Variants in SERPINB7 observed in about 807,000 individuals in gnomAD.
SERPINB7 encodes serpin B7.
A neutral mutation model predicts 37.4 loss-of-function variants in SERPINB7; 31 were observed. The observed-to-expected ratio is 0.83, with a 90% confidence interval of 0.62 to 1.12. SERPINB7 has a LOEUF of 1.12. Among genes scored for constraint, SERPINB7 ranks in the 50% most tolerant of loss-of-function variants. The pLI is 0.00. For synonymous variants in SERPINB7, 163 were observed against 166.1 expected (o/e 0.98, Z 0.14); for missense variants, 521 against 455.3 (o/e 1.14, Z -1.31).
At position 63,782,432 on chromosome 18, in the gene SERPINB7, T is replaced by C. The variant is rs141279263; in HGVS notation, c.60T>C (p.Asp20=). The C allele has an allele frequency of 1.1e-5, 18 of 1,614,096 alleles. No individual in the cohort carries two copies. The African/African-American group carries it at 2.3e-4, about 20-fold the overall frequency. ...GCTTCAACCTGTTCAGAGAGATGGA[T>C]GACAATCAAGGAAATGGAAATGTGT... ...EFCFNLFREM[D]DNQGNGNVFF... is the part of the protein sequence containing the mutation. Residue 20 remains aspartate, a synonymous_variant, in exon 2 of 8, where the codon GAT becomes GAC. Coordinates refer to ENST00000398019, the MANE Select transcript of SERPINB7 (RefSeq NM_003784.4).
At chr18:63,782,888 C>G (rs1418452325) in intron 2 of SERPINB7, among the ~76,000 whole-genome samples, 1 of 152,002 alleles carries the variant, frequency 6.6e-6, no homozygotes, top group Non-Finnish European at 1.5e-5. Flanking sequence ...CCTGTAATCC[C>G]AGCACTTTGG....
At chr18:63,755,458 T>C (rs1469964283) in intron 1 of SERPINB7, among the ~76,000 whole-genome samples, 1 of 152,208 alleles carries the variant, frequency 6.6e-6, no homozygotes, top group East Asian at 1.9e-4. Context: ...GCCTTCTTTT[T>C]TCATAACTAG....
chr18:63,759,644 T>C (rs142372908), intron 1 of SERPINB7, among the ~76,000 whole-genome samples: 2 of 152,300 alleles, frequency 1.3e-5, no homozygotes, highest in African/African-American at 4.8e-5. Flanking sequence ...TCCACCCAAA[T>C]TCTCATCTTG....
chr18:63,753,965 C>A (rs1022145019), intron 1 of SERPINB7, among the ~76,000 whole-genome samples: 4 of 152,116 alleles, frequency 2.6e-5, no homozygotes, highest in African/African-American at 9.7e-5. Context: ...TCAATATAAA[C>A]AAACTAGAGT....
chr18:63,758,477 G>T (rs2049134137), intron 1 of SERPINB7, among the ~76,000 whole-genome samples: 1 of 152,120 alleles, frequency 6.6e-6, no homozygotes, highest in South Asian at 2.1e-4. Context: ...CTGAAGCACT[G>T]GGAAATCTAC....
At chr18:63,789,331 T>C (rs890872654) in intron 2 of SERPINB7, among the ~76,000 whole-genome samples, 2 of 152,194 alleles carry the variant, frequency 1.3e-5, no homozygotes, top group African/African-American at 4.8e-5. Flanking sequence ...TGACTTTCAT[T>C]TGAAACTTTT....
chr18:63,804,377 G>A lies in SERPINB7; in HGVS notation c.885G>A (p.Gly295=), dbSNP rs1289006546. The part of the protein sequence containing the change: ...YEMKQYLRAL[G]LKDIFDESKA... ...TGAAACAATATTTGAGAGCCCTAGG[G>A]CTGAAAGATATCTTTGATGAATCCA... Residue 295 remains glycine (G), a synonymous_variant, in exon 8 of 8, where the codon GGG becomes GGA. Coordinates refer to ENST00000398019, the MANE Select transcript of SERPINB7 (RefSeq NM_003784.4). 6.2e-7 allele frequency: 1 copy of A among 1,613,796 alleles called. No individual in the cohort carries two copies. The highest frequency in any genetic ancestry group is 8.5e-7 in the Non-Finnish European group (1 of 1,179,866).
chr18:63,770,302 AAACAAC>A (rs551591800), intron 1 of SERPINB7, among the ~76,000 whole-genome samples: 1 of 151,512 alleles, frequency 6.6e-6, no homozygotes, highest in Non-Finnish European at 1.5e-5. Flanking sequence ...ATGTAAAGGA[AAACAAC>A]AACAACAACA....
At chr18:63,779,600 T>C (rs1361486597) in intron 1 of SERPINB7, among the ~76,000 whole-genome samples, 1 of 152,122 alleles carries the variant, frequency 6.6e-6, no homozygotes, top group Non-Finnish European at 1.5e-5. Flanking sequence ...CATAATTATC[T>C]AGGAATGTCT....
At chr18:63,780,142 A>G (rs537535547) in intron 1 of SERPINB7, among the ~76,000 whole-genome samples, 101 of 152,276 alleles carry the variant, frequency 6.6e-4, no homozygotes, top group African/African-American at 2.4e-3. Context: ...CTTTGAAAGG[A>G]TTAATATGAC....
At chr18:63,794,588 G>T (rs1177571086) in intron 4 of SERPINB7, among the ~76,000 whole-genome samples, 1 of 152,184 alleles carries the variant, frequency 6.6e-6, no homozygotes, top group Admixed American at 6.5e-5. Flanking sequence ...TACTCGGGAG[G>T]CTGAGGCAGG....
Position 63,804,794 on chromosome 18 carries a change from A to T in SERPINB7, c.*159A>T, listed in dbSNP as rs1335570202. ...ACACTGGTGACTTGACCCTTCCTAG[A>T]CACCTGGTTGATTGTCCTGATCCCT... On this transcript the variant is annotated 3_prime_UTR_variant, in exon 8 of 8. Transcript: ENST00000398019. 2 of 667,830 alleles carry T rather than the reference A, an allele frequency of 3.0e-6. No individual in the cohort carries two copies. The highest frequency in any genetic ancestry group is 5.0e-6 in the Non-Finnish European group (2 of 400,862). The allele number at this position is 667,830 out of a possible 1,614,324, so 41.4% of individuals were successfully genotyped here. A position where few individuals can be genotyped will look rare whatever the true frequency, so the allele number is the denominator to read the frequency against.
At chr18:63,776,395 T>A (rs28696096) in intron 1 of SERPINB7, among the ~76,000 whole-genome samples, 89,571 of 151,430 alleles carry the variant, frequency 0.59, 26,824 homozygotes, top group Middle Eastern at 0.7. Flanking sequence ...AAAACAGTTT[T>A]GTCTGGTTTG....
At chr18:63,787,656 AAAAAC>A (rs539691767) in intron 2 of SERPINB7, among the ~76,000 whole-genome samples, 2 of 152,182 alleles carry the variant, frequency 1.3e-5, no homozygotes, top group Non-Finnish European at 2.9e-5. Context: ...TAGGACTATT[AAAAAC>A]AAAACAAAAC....
chr18:63,757,666 G>T (rs1158492590), intron 1 of SERPINB7, among the ~76,000 whole-genome samples: 1 of 152,218 alleles, frequency 6.6e-6, no homozygotes, highest in Non-Finnish European at 1.5e-5. Context: ...CTGGATGAAT[G>T]CATGGCCCAC....
chr18:63,793,027 C>T (rs1015972264), intron 3 of SERPINB7, 134 bp from the exon 4 acceptor site: 1 of 442,080 alleles, frequency 2.3e-6, no homozygotes, highest in African/African-American at 2.0e-5. Flanking sequence ...TGTATGTGGC[C>T]TTGTTTGCCA....
chr18:63,797,748 T>C (rs2049503387), intron 5 of SERPINB7, among the ~76,000 whole-genome samples: 1 of 152,190 alleles, frequency 6.6e-6, no homozygotes, highest in Admixed American at 6.5e-5. Flanking sequence ...TTTCAATGAA[T>C]CCTGAGCAAT....
intron 4 of SERPINB7, among the ~76,000 whole-genome samples, chr18:63,794,874 C>T (rs2049471087): frequency 6.6e-6 from 1 of 152,154 alleles, no homozygotes; most frequent in Non-Finnish European, 1.5e-5. Flanking sequence ...AGACAAAGGA[C>T]AACTAGTGAA....
chr18:63,791,297 A>T (rs2049424624), intron 2 of SERPINB7, among the ~76,000 whole-genome samples: 1 of 152,216 alleles, frequency 6.6e-6, no homozygotes, highest in South Asian at 2.1e-4. Flanking sequence ...AATAAAAATA[A>T]ATAAATATTT....
Sources: gnomAD v4.1 joint callset for allele counts (sites outside exome capture counted in the v4.1 genomes callset) on GRCh38, gnomAD v4.1.1 for gene constraint, MANE v1.5 for transcripts, NCBI Gene and HGNC (gene_info 2026-07-23, HGNC 2026-07-21) for gene names.